Variants in PSG9 observed in about 807,000 individuals in gnomAD.
PSG9 encodes pregnancy-specific beta-1-glycoprotein 9.
Under a neutral mutation model 41.9 loss-of-function variants are expected in PSG9, and 49 were observed. The observed-to-expected ratio is 1.17, with a 90% confidence interval of 0.93 to 1.48. PSG9 has a LOEUF of 1.48. Ranked by LOEUF, PSG9 falls within the 40% of genes most tolerant of loss-of-function variation. The probability of loss-of-function intolerance (pLI) is 0.00; values close to 1 mark genes in which losing one functional copy is unlikely to be tolerated. For synonymous variants in PSG9, 263 were observed against 196.8 expected (o/e 1.34, Z -2.82); for missense variants, 641 against 520.3 (o/e 1.23, Z -2.26).
At position 43,258,224 on chromosome 19, in the gene PSG9, T is replaced by C. The variant is rs1241932090; in HGVS notation, c.1221A>G (p.Lys407=). Residue 407 remains lysine (K), a synonymous_variant, in exon 5 of 6, where the codon AAA becomes AAG. Coordinates refer to ENST00000270077, the MANE Select transcript of PSG9 (RefSeq NM_002784.5). ...TACCAGAGACTTTGACTGTCATGGA[T>C]TTGGAGATTTCCTTGCCAGTGGCTG... ...HNSATGKEIS[K]SMTVKVSGPC... The C allele has an allele frequency of 4.4e-6, 7 of 1,592,672 alleles. 1 individual carries two copies. The South Asian group carries it at 6.7e-5, about 15-fold the overall frequency.
At chr19:43,257,906 T>C (rs1360505634) in intron 5 of PSG9, 3 of 1,402,926 alleles carry the variant, frequency 2.1e-6, no homozygotes, top group Non-Finnish European at 9.2e-7. Context: ...AACTTGATCT[T>C]GAGGACTCTC....
At chr19:43,253,966 G>C (rs546879052) in intron 5 of PSG9, among the ~76,000 whole-genome samples, 2 of 145,686 alleles carry the variant, frequency 1.4e-5, no homozygotes, top group Admixed American at 6.8e-5. Flanking sequence ...AAATTACCTT[G>C]TATGTCTAAT....
At chr19:43,266,485 A>G (rs528068382) in intron 2 of PSG9, among the ~76,000 whole-genome samples, 1 of 152,110 alleles carries the variant, frequency 6.6e-6, no homozygotes, top group African/African-American at 2.4e-5. Flanking sequence ...TGGGGAAAGA[A>G]AACAAGGTCC....
Position 43,267,900 on chromosome 19 carries a change from G to A in PSG9, c.314C>T (p.Ala105Val), listed in dbSNP as rs375302896. ...GGTGACATTCTGGATCAGCAGGGAT[G>A]CGTTGGAATATACTGTTTCTCTTCC... ...YSGRETVYSNASLLIQNVTRK... is the reference protein window; with the variant it reads ...YSGRETVYSNVSLLIQNVTRK... The change falls in exon 2 of 6, where the codon GCA (alanine) becomes GTA (valine). Residue 105 changes from alanine (A) to valine (V), a missense_variant. By Grantham distance (64) the Ala-to-Val change is moderately conservative. Coordinates refer to ENST00000270077, the MANE Select transcript of PSG9 (RefSeq NM_002784.5). The A allele has an allele frequency of 1.1e-5, 18 of 1,613,838 alleles. No individual in the cohort carries two copies. The African/African-American group carries it at 2.1e-4, about 19-fold the overall frequency.
intron 2 of PSG9, among the ~76,000 whole-genome samples, chr19:43,263,910 G>C (rs1968844702): frequency 6.6e-6 from 1 of 152,124 alleles, no homozygotes; most frequent in Non-Finnish European, 1.5e-5. Context: ...AATATAGAAA[G>C]AACTCCCTGC....
intron 3 of PSG9, 96 bp from the exon 4 acceptor site, chr19:43,259,231 C>T: frequency 6.6e-7 from 1 of 1,506,128 alleles, no homozygotes. Context: ...ACCTCTCAGC[C>T]CACCCGAGTC....
chr19:43,264,873 G>A (rs1332701204), intron 2 of PSG9, among the ~76,000 whole-genome samples: 1 of 152,162 alleles, frequency 6.6e-6, no homozygotes. Context: ...GAAGTCTCTA[G>A]GAAGTGACCA....
chr19:43,257,790 A>C lies in PSG9; in HGVS notation c.1243+412T>G, dbSNP rs1063028. On this transcript the variant is annotated intron_variant, in intron 5 of 5. Coordinates refer to ENST00000270077, the MANE Select transcript of PSG9 (RefSeq NM_002784.5). ...GGCTTCCTCCTCTCATCTGGGGGAAAAGTGTGAGCTTGTTTCAAAGCCTCA... is the reference window on the plus strand; with the variant it reads ...GGCTTCCTCCTCTCATCTGGGGGAACAGTGTGAGCTTGTTTCAAAGCCTCA... The C allele has an allele frequency of 2.4e-3, 3,068 of 1,292,420 alleles. 424 individuals carry two copies. The African/African-American group carries it at 0.043, about 18-fold the overall frequency. The allele number at this position is 1,292,420 out of a possible 1,614,324, so 80.1% of individuals were successfully genotyped here.
At chr19:43,260,157 G>A (rs1218706382) in intron 3 of PSG9, 3 of 147,142 alleles carry the variant, frequency 2.0e-5, no homozygotes, top group Admixed American at 1.4e-4. Context: ...AATATGAGAA[G>A]AGACTGCTGG....
intron 1 of PSG9, among the ~76,000 whole-genome samples, chr19:43,268,825 A>C (rs1193234004): frequency 1.3e-5 from 2 of 151,960 alleles, no homozygotes; most frequent in African/African-American, 4.8e-5. Context: ...GTGTCATCTG[A>C]TATAGTTATT....
intron 5 of PSG9, chr19:43,257,077 G>A (rs1221928399): frequency 6.8e-6 from 1 of 147,014 alleles, no homozygotes; most frequent in Non-Finnish European, 1.5e-5. Flanking sequence ...AAGATATTAT[G>A]CTAACTGAAA....
chr19:43,267,713 A>T, intron 2 of PSG9, 71 bp downstream of exon 2: 2 of 1,601,130 alleles, frequency 1.2e-6, no homozygotes, highest in Non-Finnish European at 1.7e-6. Context: ...TCCAGGCCTG[A>T]CAATCCTGTG....
At position 43,259,212 on chromosome 19, in the gene PSG9, G is replaced by A. The variant is rs1280638458; in HGVS notation, c.710-77C>T. On this transcript the variant is annotated intron_variant, in intron 3 of 5. Transcript: ENST00000270077. ...CACAGGCATACTTCAATCAGAGTTG[G>A]CATCTCCCACCTCTCAGCCCACCCG... is the stretch of plus-strand genomic sequence containing the variant. 18 of 1,542,764 alleles carry A rather than the reference G, an allele frequency of 1.2e-5. 2 individuals are homozygous for A. Among genetic ancestry groups the A allele is most frequent in the African/African-American group, 2.9e-5 (2 of 69,164 alleles).
intron 3 of PSG9, among the ~76,000 whole-genome samples, chr19:43,261,057 C>A (rs1420679077): frequency 1.3e-5 from 2 of 152,050 alleles, no homozygotes; most frequent in Admixed American, 6.6e-5. Context: ...AAGGGACAGG[C>A]AAAAGCTGGT....
chr19:43,268,198 G>C, intron 1 of PSG9, 49 bp from the exon 2 acceptor site: 1 of 1,531,910 alleles, frequency 6.5e-7, no homozygotes, highest in East Asian at 2.3e-5. Context: ...ATGTATTGTG[G>C]TGAAAAGATG....
Position 43,258,956 on chromosome 19 carries a change from G to C in PSG9, c.889C>G (p.Leu297Val). The change falls in exon 4 of 6, where the codon CTA becomes GTA. Residue 297 changes from leucine to valine, a missense_variant. Physicochemically the swap from Leu to Val is conservative, Grantham distance 32 (BLOSUM62 1). Transcript: ENST00000270077. ...KRPIENRILI[L>V]PSVTRNETGP... ...GTTTCATTTCTCGTGACACTGGGTA[G>C]AATGAGTATCCTGTTTTCAATGGGT... is the stretch of plus-strand genomic sequence containing the variant. 6.3e-7 allele frequency: 1 copy of C among 1,590,374 alleles called. No homozygotes were observed. Among genetic ancestry groups the C allele is most frequent in the Non-Finnish European group, 8.5e-7 (1 of 1,174,402 alleles).
At chr19:43,269,051 C>T (rs1969121943) in intron 1 of PSG9, among the ~76,000 whole-genome samples, 1 of 151,988 alleles carries the variant, frequency 6.6e-6, no homozygotes, top group Non-Finnish European at 1.5e-5. Context: ...GTCGCCCAGG[C>T]TGGCGTGCAG....
At position 43,266,361 on chromosome 19, in the gene PSG9, C is replaced by T. The variant is rs184580451; in HGVS notation, c.430+1423G>A. Among the ~76,000 whole-genome samples, 1,299 of 151,944 alleles carry T rather than the reference C, an allele frequency of 8.5e-3. 18 individuals are homozygous for T. The highest frequency in any genetic ancestry group is 0.024 in the Middle Eastern group (7 of 294). ...CCTCCTAGGATTCTGCATGCAAATT[C>T]AGTCTCTAAAGAGGTTTTGGATCAT... On this transcript the variant is annotated intron_variant, in intron 2 of 5. Coordinates refer to ENST00000270077, the MANE Select transcript of PSG9 (RefSeq NM_002784.5).
rs769896212 is a variant in PSG9 at position 43,268,103 on chromosome 19, C to T, written c.111G>A (p.Thr37=). 63 of 1,612,922 alleles carry T rather than the reference C, an allele frequency of 3.9e-5. No individual in the cohort carries two copies. The highest frequency in any genetic ancestry group is 5.3e-5 in the Non-Finnish European group (62 of 1,179,370). The change falls in exon 2 of 6, where the codon ACG becomes ACA. Residue 37 remains threonine, a synonymous_variant. Transcript: ENST00000270077. Reference sequence around the variant, plus strand: ...AAACTTTGGGTGGCTGGGCTTCAATCGTGACTTCGGCAGTGGTGGGCGGGT... The same window carrying T: ...AAACTTTGGGTGGCTGGGCTTCAATTGTGACTTCGGCAGTGGTGGGCGGGT... The part of the protein sequence containing the change: ...FWNPPTTAEV[T]IEAQPPKVSE...
Sources: allele counts gnomAD v4.1 joint callset (sites outside exome capture counted in the v4.1 genomes callset), GRCh38; gene constraint gnomAD v4.1.1; transcripts MANE v1.5; gene names NCBI Gene and HGNC (gene_info 2026-07-23, HGNC 2026-07-21).